PCBP3: variants seen among roughly 807,000 people sequenced by gnomAD.
PCBP3 encodes the protein poly(rC) binding protein 3, also known as poly(rC)-binding protein 3.
Under a neutral mutation model 52.7 loss-of-function variants are expected in PCBP3, and 25 were observed. The ratio of observed to expected loss-of-function variants is 0.47; its 90% CI spans 0.35 to 0.66. The LOEUF (loss-of-function observed/expected upper bound fraction) is 0.66, where lower values mean the gene tolerates loss of function less well. Among genes scored for constraint, PCBP3 ranks in the 30% least tolerant of loss-of-function variants. The probability of loss-of-function intolerance (pLI) is 0.01; values close to 1 mark genes in which losing one functional copy is unlikely to be tolerated. For missense variants in PCBP3, 391 were observed against 490.3 expected (o/e 0.80, Z 1.91); for synonymous variants, 162 against 183.0 (o/e 0.89, Z 0.93).
chr21:45,659,337 C>CTTTTTT (rs36113182), intron 1 of PCBP3, among the ~76,000 whole-genome samples: 37 of 78,718 alleles, frequency 4.7e-4, no homozygotes, highest in East Asian at 6.6e-4. Flanking sequence ...TTTTACTTTC[C>CTTTTTT]TTTTTTTTTT....
chr21:45,885,870 G>T (rs2095505016), intron 5 of PCBP3, among the ~76,000 whole-genome samples: 2 of 152,216 alleles, frequency 1.3e-5, no homozygotes, highest in African/African-American at 4.8e-5. Context: ...TCATCCTGGG[G>T]CTGACACTGT....
chr21:45,696,035 C>T (rs976752244), intron 2 of PCBP3, among the ~76,000 whole-genome samples: 9 of 141,868 alleles, frequency 6.3e-5, no homozygotes, highest in African/African-American at 1.8e-4. Flanking sequence ...GCCGAGATCG[C>T]GCCACTGCAC....
At chr21:45,784,403 T>TCTACCG (rs141071522) in intron 4 of PCBP3, among the ~76,000 whole-genome samples, 18 of 118,288 alleles carry the variant, frequency 1.5e-4, no homozygotes, top group African/African-American at 6.7e-4. Context: ...TACCGCTACC[T>TCTACCG]CTACCGCTAC....
Position 45,790,590 on chromosome 21 carries a change from G to A in PCBP3, c.-126+35138G>A, listed in dbSNP as rs564617169. On this transcript the variant is annotated intron_variant, in intron 4 of 17. Transcript: ENST00000681687. ...AGGAGCAAGGACCCAGGCCTGGGGC[G>A]CCCCTGCCTTGGCAGGCTGGGATGC... Among the ~76,000 whole-genome samples, 6 of 152,252 alleles carry A rather than the reference G, an allele frequency of 3.9e-5. No individual in the cohort carries two copies. In the South Asian group the frequency reaches 6.2e-4, roughly 16 times the overall value.
intron 2 of PCBP3, among the ~76,000 whole-genome samples, chr21:45,691,694 A>G (rs528388126): frequency 6.6e-6 from 1 of 152,218 alleles, no homozygotes; most frequent in East Asian, 1.9e-4. Context: ...ATGAGCTATA[A>G]CAACCCTTCT....
chr21:45,655,794 T>C (rs1569081321), intron 1 of PCBP3, among the ~76,000 whole-genome samples: 1 of 151,838 alleles, frequency 6.6e-6, no homozygotes, highest in Non-Finnish European at 1.5e-5. Context: ...GCCTACAAAG[T>C]ACTTAAACAA....
chr21:45,896,870 G>A (rs371860589), intron 6 of PCBP3, among the ~76,000 whole-genome samples: 609 of 74,828 alleles, frequency 8.1e-3, no homozygotes, highest in East Asian at 0.022. Context: ...TAGGAAAGGC[G>A]GCCGCGGCAC....
intron 13 of PCBP3, among the ~76,000 whole-genome samples, chr21:45,924,061 G>A (rs2074933486): frequency 1.5e-5 from 2 of 129,740 alleles, no homozygotes; most frequent in African/African-American, 6.5e-5. Flanking sequence ...GGTAGAAACA[G>A]CACACGTAAG....
intron 5 of PCBP3, among the ~76,000 whole-genome samples, chr21:45,870,395 G>A (rs1312210514): frequency 1.3e-5 from 2 of 152,234 alleles, no homozygotes; most frequent in South Asian, 2.1e-4. Flanking sequence ...CTGTGATGAC[G>A]AATGAGTCTC....
intron 4 of PCBP3, among the ~76,000 whole-genome samples, chr21:45,771,185 CAGGATTTGAATATTGTAACATTA>C (rs2089835663): frequency 6.6e-6 from 1 of 152,208 alleles, no homozygotes; most frequent in Admixed American, 6.5e-5. Flanking sequence ...TGCCTTGAAC[CAGGATTTGAATATTGTAACATTA>C]AGTTTTTTGC....
At chr21:45,743,244 T>G (rs1182715138) in intron 3 of PCBP3, among the ~76,000 whole-genome samples, 1 of 152,256 alleles carries the variant, frequency 6.6e-6, no homozygotes, top group East Asian at 1.9e-4. Context: ...TATATTTGAA[T>G]GTGGTCACAT....
intron 13 of PCBP3, among the ~76,000 whole-genome samples, chr21:45,924,382 A>G (rs76804272): frequency 0.041 from 421 of 10,346 alleles, 9 homozygotes; most frequent in Middle Eastern, 0.17. Flanking sequence ...AGTCGAGTGG[A>G]TAGAAACAGC....
chr21:45,899,688 TCCCTGGGTACTAGGTGGCA>T, intron 7 of PCBP3, 66 bp downstream of exon 7: 1 of 1,293,416 alleles, frequency 7.7e-7, no homozygotes, highest in Non-Finnish European at 1.1e-6. Context: ...GATGGCAGCC[TCCCTGGGTACTAGGTGGCA>T]CCCAGTAGGT....
At chr21:45,677,687 T>G (rs933456181) in intron 2 of PCBP3, among the ~76,000 whole-genome samples, 1 of 152,240 alleles carries the variant, frequency 6.6e-6, no homozygotes, top group Non-Finnish European at 1.5e-5. Flanking sequence ...TAGGGCCTAA[T>G]GCAGCTGATG....
At chr21:45,798,069 A>G (rs547425394) in intron 4 of PCBP3, among the ~76,000 whole-genome samples, 79 of 66,968 alleles carry the variant, frequency 1.2e-3, no homozygotes, top group African/African-American at 4.6e-3. Flanking sequence ...ATGGATGTGC[A>G]TGTGGATGAA....
chr21:45,676,490 A>G (rs185737494), intron 2 of PCBP3, among the ~76,000 whole-genome samples: 1 of 152,194 alleles, frequency 6.6e-6, no homozygotes, highest in Non-Finnish European at 1.5e-5. Context: ...ACTTCTCATG[A>G]TATTTCAAAC....
chr21:45,942,045 G>A lies in PCBP3; in HGVS notation c.*339G>A. 1 of 265,124 alleles carries A rather than the reference G, an allele frequency of 3.8e-6. No homozygotes were observed. Among genetic ancestry groups the A allele is most frequent in the Non-Finnish European group, 7.1e-6 (1 of 140,942 alleles). The allele number at this position is 265,124 out of a possible 1,614,324, so 16.4% of individuals were successfully genotyped here. On this transcript the variant is annotated 3_prime_UTR_variant, in exon 18 of 18. Coordinates refer to ENST00000681687, the MANE Select transcript of PCBP3 (RefSeq NM_001384156.1). ...TAGGAGCTGGGTCGGCGTTCCGACA[G>A]CACTTCCTGTCCGCCCTTCTCCTCT...
intron 13 of PCBP3, among the ~76,000 whole-genome samples, chr21:45,929,459 C>T (rs959108025): frequency 3.3e-5 from 5 of 152,300 alleles, no homozygotes; most frequent in East Asian, 1.9e-4. Context: ...GAGACCAGGG[C>T]GAGGTTTGCA....
At chr21:45,719,938 A>T (rs1015656186) in intron 2 of PCBP3, among the ~76,000 whole-genome samples, 7 of 152,128 alleles carry the variant, frequency 4.6e-5, no homozygotes, top group African/African-American at 1.4e-4. Context: ...CCTGAGGGAC[A>T]AGTAGAGAAG....
Sources: allele counts gnomAD v4.1 joint callset (sites outside exome capture counted in the v4.1 genomes callset), GRCh38; gene constraint gnomAD v4.1.1; transcripts MANE v1.5; gene names NCBI Gene and HGNC (gene_info 2026-07-23, HGNC 2026-07-21).